The following CARMIL1 variants were observed in gnomAD, a reference collection of about 807,000 sequenced individuals.
The protein encoded by CARMIL1 is F-actin-uncapping protein LRRC16A.
A neutral mutation model predicts 177.1 loss-of-function variants in CARMIL1; 90 were observed. The ratio of observed to expected loss-of-function variants is 0.51; its 90% CI spans 0.43 to 0.61. CARMIL1 has a LOEUF of 0.61. Ranked by LOEUF, CARMIL1 falls within the 20% of genes least tolerant of loss-of-function variation. The pLI is 0.00. For synonymous variants in CARMIL1, 577 were observed against 606.2 expected (o/e 0.95, Z 0.71); for missense variants, 1,380 against 1,667.0 (o/e 0.83, Z 3.00).
In CARMIL1 at chr6:25,600,579, C is replaced by A. The variant is rs1422351530; in HGVS notation, c.3385C>A (p.Pro1129Thr). Residue 1129 changes from proline to threonine, a missense_variant, in exon 33 of 37, where the codon CCT becomes ACT. Transcript: ENST00000329474. ...TGAACGGATAGAGGAGATAAAAACA[C>A]CTGACTCCTTTGAAGAGAGTCAAGG... ...NSERIEEIKTPDSFEESQGEE... is the reference protein window; with the variant it reads ...NSERIEEIKTTDSFEESQGEE... 6.2e-7 allele frequency: 1 copy of A among 1,613,930 alleles called. No homozygotes were observed. The highest frequency in any genetic ancestry group is 8.5e-7 in the Non-Finnish European group (1 of 1,179,882).
intron 2 of CARMIL1, among the ~76,000 whole-genome samples, chr6:25,385,525 A>G (rs1792064289): frequency 6.6e-6 from 1 of 152,202 alleles, no homozygotes; most frequent in African/African-American, 2.4e-5. Context: ...CTTACTATGG[A>G]CCATGCCCTG....
intron 2 of CARMIL1, among the ~76,000 whole-genome samples, chr6:25,374,935 A>G (rs1219998204): frequency 6.6e-6 from 1 of 152,186 alleles, no homozygotes; most frequent in East Asian, 1.9e-4. Context: ...ATTCTCTTGA[A>G]GACAGCAGAT....
chr6:25,352,195 A>G (rs1788176255), intron 2 of CARMIL1, among the ~76,000 whole-genome samples: 1 of 151,950 alleles, frequency 6.6e-6, no homozygotes, highest in Non-Finnish European at 1.5e-5. Flanking sequence ...GACTACATAA[A>G]TGACCCCAGA....
chr6:25,602,514 A>C (rs1815521706), intron 33 of CARMIL1, among the ~76,000 whole-genome samples: 3 of 152,248 alleles, frequency 2.0e-5, no homozygotes, highest in Admixed American at 2.0e-4. Context: ...TTAAAGTGAC[A>C]AAACCCTTAT....
At chr6:25,488,752 C>T (rs1802916221) in intron 13 of CARMIL1, among the ~76,000 whole-genome samples, 167 bp downstream of exon 13, 2 of 152,148 alleles carry the variant, frequency 1.3e-5, no homozygotes, top group Non-Finnish European at 2.9e-5. Flanking sequence ...AATTCCAGAG[C>T]ATTCGTTAAT....
intron 4 of CARMIL1, among the ~76,000 whole-genome samples, chr6:25,428,047 C>A (rs1286697430): frequency 2.0e-5 from 3 of 152,042 alleles, no homozygotes; most frequent in Non-Finnish European, 4.4e-5. Context: ...TCAATGTTTT[C>A]TTTTATGGAT....
chr6:25,563,592 G>C (rs376337550), intron 29 of CARMIL1: 1 of 985,298 alleles, frequency 1.0e-6, no homozygotes, highest in African/African-American at 1.7e-5. Flanking sequence ...GTAGCGATGA[G>C]CTATCAGAAG....
At chr6:25,334,378 C>G (rs1021737710) in intron 2 of CARMIL1, among the ~76,000 whole-genome samples, 25 of 152,360 alleles carry the variant, frequency 1.6e-4, no homozygotes, top group Admixed American at 1.2e-3. Context: ...TGTCTCTCTT[C>G]TTATGCCTTG....
At position 25,285,002 on chromosome 6, in the gene CARMIL1, G is replaced by C. The variant is rs1393173933; in HGVS notation, c.138+93G>C. 3 of 767,262 alleles carry C rather than the reference G, an allele frequency of 3.9e-6. No homozygotes were observed. In the East Asian group the frequency reaches 8.2e-5, roughly 21 times the overall value. 47.5% of individuals were successfully genotyped at this position (767,262 alleles called of 1,614,324 possible). ...TTAATTTTCATGCAGCATTACTTCT[G>C]TGTTTTATATATTGTTCAAAAGTTC... is the stretch of plus-strand genomic sequence containing the variant. On this transcript the variant is annotated intron_variant, in intron 2 of 36. Coordinates refer to ENST00000329474, the MANE Select transcript of CARMIL1 (RefSeq NM_017640.6).
intron 23 of CARMIL1, among the ~76,000 whole-genome samples, chr6:25,528,414 A>C (rs908653782): frequency 6.6e-6 from 1 of 152,174 alleles, no homozygotes; most frequent in African/African-American, 2.4e-5. Context: ...TTCCTTGGGG[A>C]TATTTATTTA....
intron 29 of CARMIL1, among the ~76,000 whole-genome samples, chr6:25,568,002 G>A (rs369794359): frequency 2.0e-5 from 3 of 152,118 alleles, no homozygotes; most frequent in Non-Finnish European, 4.4e-5. Flanking sequence ...TCTCAGGGCC[G>A]AGGCCAAACC....
chr6:25,522,417 C>T (rs557539386), intron 23 of CARMIL1, among the ~76,000 whole-genome samples: 42 of 152,278 alleles, frequency 2.8e-4, no homozygotes, highest in Admixed American at 4.6e-4. Context: ...TCAAGGAACT[C>T]GTTAAAAATG....
At chr6:25,565,850 A>G (rs1811513968) in intron 29 of CARMIL1, among the ~76,000 whole-genome samples, 1 of 152,118 alleles carries the variant, frequency 6.6e-6, no homozygotes, top group African/African-American at 2.4e-5. Context: ...AAAAAAATAA[A>G]AATAAAAATT....
chr6:25,450,766 TCCTCCCTCC>T (rs1404171576), intron 8 of CARMIL1, 55 bp downstream of exon 8: 20 of 385,544 alleles, frequency 5.2e-5, no homozygotes, highest in Admixed American at 1.4e-4. Flanking sequence ...CTCCCTCCCT[TCCTCCCTCC>T]CCTCCCTCCC....
chr6:25,362,714 A>T (rs1371173257), intron 2 of CARMIL1, among the ~76,000 whole-genome samples: 1 of 152,154 alleles, frequency 6.6e-6, no homozygotes, highest in Non-Finnish European at 1.5e-5. Flanking sequence ...CACGAGCTGT[A>T]GAAAAGCCCA....
rs112166821 is a variant in CARMIL1 at position 25,530,676 on chromosome 6, G to A, written c.2067+1783G>A. Among the ~76,000 whole-genome samples, 17 of 152,036 alleles carry A rather than the reference G, an allele frequency of 1.1e-4. No homozygotes were observed. The South Asian group carries it at 1.7e-3, about 15-fold the overall frequency. On this transcript the variant is annotated intron_variant, in intron 24 of 36. Coordinates refer to ENST00000329474, the MANE Select transcript of CARMIL1 (RefSeq NM_017640.6). ...ACATGAACTCAGAAATTCTATTCCC[G>A]TCATATTCCTTATGAAAAAAAAGTT...
chr6:25,556,627 C>A, intron 28 of CARMIL1, 74 bp from the exon 29 acceptor site: 1 of 1,417,244 alleles, frequency 7.1e-7, no homozygotes, highest in Non-Finnish European at 9.5e-7. Context: ...TTGTGGAAGA[C>A]GTCTTCAGGA....
intron 2 of CARMIL1, among the ~76,000 whole-genome samples, chr6:25,346,985 T>G (rs1266255495): frequency 2.0e-5 from 3 of 152,192 alleles, no homozygotes; most frequent in Non-Finnish European, 2.9e-5. Context: ...GTCAGCTTAT[T>G]TATTTAAATG....
intron 2 of CARMIL1, among the ~76,000 whole-genome samples, chr6:25,343,878 G>A (rs1269166945): frequency 1.3e-5 from 2 of 152,016 alleles, no homozygotes; most frequent in Admixed American, 6.5e-5. Context: ...TAGAGCTGGG[G>A]TAGCCTCGTC....
Sources: allele counts gnomAD v4.1 joint callset (sites outside exome capture counted in the v4.1 genomes callset), GRCh38; gene constraint gnomAD v4.1.1; transcripts MANE v1.5; gene names NCBI Gene and HGNC (gene_info 2026-07-23, HGNC 2026-07-21).